KLF8: variants seen among roughly 807,000 people sequenced by gnomAD.
KLF8 encodes the protein Krueppel-like factor 8.
A neutral mutation model predicts 18.2 loss-of-function variants in KLF8; 10 were observed. The ratio of observed to expected loss-of-function variants is 0.55; its 90% CI spans 0.34 to 0.93. The LOEUF is 0.93. Among genes scored for constraint, KLF8 ranks in the 40% least tolerant of loss-of-function variants. The pLI is 0.02. For synonymous variants in KLF8, 109 were observed against 97.3 expected (o/e 1.12, Z -0.71); for missense variants, 264 against 277.9 (o/e 0.95, Z 0.36).
chrX:55,955,966 A>C, the KLF8 span, among the ~76,000 whole-genome samples: 56 of 111,378 alleles, frequency 5.0e-4, no homozygotes, highest in African/African-American at 1.8e-3. Flanking sequence ...TTGGAGCTCT[A>C]TTTCTGCATC....
At chrX:56,109,713 C>T in the KLF8 span, among the ~76,000 whole-genome samples, 2 of 111,556 alleles carry the variant, frequency 1.8e-5, no homozygotes, top group African/African-American at 3.3e-5. Context: ...GTTAGATTGA[C>T]CTTTTATCAA....
chrX:56,127,739 T>C, the KLF8 span, among the ~76,000 whole-genome samples: 1 of 111,675 alleles, frequency 9.0e-6, no homozygotes, highest in African/African-American at 3.3e-5. Flanking sequence ...TATATCAAAA[T>C]ATCATGTTAT....
chrX:56,032,806 C>T, the KLF8 span, among the ~76,000 whole-genome samples: 4 of 111,697 alleles, frequency 3.6e-5, no homozygotes, highest in Admixed American at 1.9e-4. Flanking sequence ...GACAGATTTT[C>T]CTGTGGACAG....
At chrX:56,187,359 T>C in the KLF8 span, among the ~76,000 whole-genome samples, 1 of 111,419 alleles carries the variant, frequency 9.0e-6, no homozygotes, top group African/African-American at 3.3e-5. Flanking sequence ...AATAACAGGC[T>C]CTGAAATTGT....
chrX:56,263,488 G>A (rs1263066468), intron 2 of KLF8, among the ~76,000 whole-genome samples: 3 of 83,568 alleles, frequency 3.6e-5, no homozygotes. Context: ...TCTGAGCATT[G>A]TTGTCATGTG....
the KLF8 span, among the ~76,000 whole-genome samples, chrX:56,189,615 CA>C: frequency 3.6e-5 from 4 of 110,679 alleles, no homozygotes; most frequent in African/African-American, 1.3e-4. Flanking sequence ...GTCTTGGAAC[CA>C]AGCCAAATGT....
the KLF8 span, among the ~76,000 whole-genome samples, chrX:56,146,191 A>T: frequency 1.8e-5 from 2 of 112,085 alleles, no homozygotes; most frequent in Non-Finnish European, 3.8e-5. Flanking sequence ...ATACCATTTG[A>T]CCCAGCAATC....
At chrX:55,994,122 G>A in the KLF8 span, among the ~76,000 whole-genome samples, 2 of 110,084 alleles carry the variant, frequency 1.8e-5, no homozygotes, top group African/African-American at 6.6e-5. Flanking sequence ...GCGTTAGCCA[G>A]GGTGGTCTCA....
At chrX:55,936,839 G>A in the KLF8 span, among the ~76,000 whole-genome samples, 21 of 82,783 alleles carry the variant, frequency 2.5e-4, no homozygotes, top group East Asian at 8.1e-4. Context: ...AGGGGCGCCC[G>A]CCATTGCCGA....
chrX:56,043,675 A>G, the KLF8 span, among the ~76,000 whole-genome samples: 1 of 111,949 alleles, frequency 8.9e-6, no homozygotes, highest in Non-Finnish European at 1.9e-5. Flanking sequence ...TTCTCTCGAA[A>G]CTGGCTATTC....
chrX:56,257,010 ATTT>A (rs2066806043), intron 2 of KLF8, among the ~76,000 whole-genome samples: 1 of 111,846 alleles, frequency 8.9e-6, no homozygotes, highest in Non-Finnish European at 1.9e-5. Flanking sequence ...GCAGGAGCAT[ATTT>A]TTTAATTTCC....
At chrX:55,994,603 G>T in the KLF8 span, among the ~76,000 whole-genome samples, 1 of 110,868 alleles carries the variant, frequency 9.0e-6, no homozygotes, top group African/African-American at 3.3e-5. Flanking sequence ...GTGTCCCAGA[G>T]ATTCTCATAT....
the KLF8 span, among the ~76,000 whole-genome samples, chrX:55,946,543 A>C: frequency 9.0e-6 from 1 of 111,701 alleles, no homozygotes; most frequent in African/African-American, 3.2e-5. Context: ...CTAGAAGAAA[A>C]CCTAGGCATT....
the KLF8 span, among the ~76,000 whole-genome samples, chrX:56,162,480 C>T: frequency 2.7e-5 from 3 of 111,892 alleles, no homozygotes; most frequent in East Asian, 2.8e-4. Context: ...GGGAACCCCT[C>T]CCCCAGCCTC....
chrX:55,940,813 G>A, the KLF8 span, among the ~76,000 whole-genome samples: 4 of 111,343 alleles, frequency 3.6e-5, no homozygotes, highest in South Asian at 3.8e-4. Flanking sequence ...AATCCAACTT[G>A]CAAGGGATGT....
chrX:56,123,279 G>C, the KLF8 span, among the ~76,000 whole-genome samples: 1 of 100,843 alleles, frequency 9.9e-6, no homozygotes, highest in African/African-American at 4.4e-5. Context: ...GAAAAAGAAA[G>C]AAAGAAAGAA....
At chrX:55,993,055 T>C in the KLF8 span, among the ~76,000 whole-genome samples, 1 of 111,488 alleles carries the variant, frequency 9.0e-6, no homozygotes, top group Non-Finnish European at 1.9e-5. Context: ...GAGAGGTAGT[T>C]TGCCTTCCTC....
chrX:56,288,833 A>G lies in KLF8; in HGVS notation c.*4339A>G, dbSNP rs182515341. On this transcript the variant is annotated 3_prime_UTR_variant, in exon 6 of 6. Coordinates refer to ENST00000468660, the MANE Select transcript of KLF8 (RefSeq NM_007250.5). ...AAAGTGCAATAAAGTGAAGCACAAT[A>G]AAACGAGGTATGCCTGTATTTACAT... 1.2e-3 allele frequency among the ~76,000 whole-genome samples: 135 copies of G among 112,240 alleles called. No homozygotes were observed. The highest frequency in any genetic ancestry group is 4.3e-3 in the African/African-American group (132 of 30,966).
chrX:56,267,089 A>G, intron 3 of KLF8: 1 of 754,342 alleles, frequency 1.3e-6, no homozygotes, highest in Non-Finnish European at 1.6e-6. Flanking sequence ...AGGCAGTGGT[A>G]ACATCAAAGG....
Sources: gnomAD v4.1 joint callset for allele counts (sites outside exome capture counted in the v4.1 genomes callset) on GRCh38, gnomAD v4.1.1 for gene constraint, MANE v1.5 for transcripts, NCBI Gene and HGNC (gene_info 2026-07-23, HGNC 2026-07-21) for gene names.